The following LRMDA variants were observed in gnomAD, a reference collection of about 807,000 sequenced individuals.
LRMDA encodes leucine-rich melanocyte differentiation-associated protein.
A neutral mutation model predicts 29.8 loss-of-function variants in LRMDA; 18 were observed. The observed-to-expected ratio is 0.60, with a 90% CI of 0.42 to 0.90. The LOEUF (loss-of-function observed/expected upper bound fraction) is 0.90, where lower values mean the gene tolerates loss of function less well. Among genes scored for constraint, LRMDA ranks in the 40% least tolerant of loss-of-function variants. LRMDA has a pLI of 0.00. For missense variants in LRMDA, 273 were observed against 273.9 expected, an observed-to-expected ratio of 1.00 and a Z score of 0.02; for synonymous variants, 125 against 109.4, an observed-to-expected ratio of 1.14 and a Z score of -0.89.
At chr10:76,246,215 A>G (rs1249406701) in intron 5 of LRMDA, among the ~76,000 whole-genome samples, 3 of 152,150 alleles carry the variant, frequency 2.0e-5, no homozygotes, top group Non-Finnish European at 4.4e-5. Context: ...CCCAAGGCCC[A>G]CTGTAGGCTC....
At chr10:76,433,501 C>T (rs1842212881) in intron 6 of LRMDA, among the ~76,000 whole-genome samples, 1 of 152,182 alleles carries the variant, frequency 6.6e-6, no homozygotes, top group Admixed American at 6.5e-5. Flanking sequence ...TGGAGCACGG[C>T]CTGTCCTGGG....
intron 2 of LRMDA, among the ~76,000 whole-genome samples, chr10:75,719,096 C>T (rs1363966412): frequency 6.6e-6 from 1 of 152,190 alleles, no homozygotes; most frequent in Non-Finnish European, 1.5e-5. Context: ...TATAGTCCTA[C>T]AGCAAACATT....
In LRMDA at chr10:76,390,531, A is replaced by G. The variant is rs910323710; in HGVS notation, c.601+66046A>G. 1.6e-3 allele frequency among the ~76,000 whole-genome samples: 237 copies of G among 152,148 alleles called. 1 individual carries two copies. Among genetic ancestry groups the G allele is most frequent in the African/African-American group, 5.2e-3 (216 of 41,506 alleles). On this transcript the variant is annotated intron_variant, in intron 6 of 6. Transcript: ENST00000611255. ...AAAAAAAAAAAAACAAGAAAACTCA[A>G]TGTTAAGTGGATGATGGCACCATGA...
intron 5 of LRMDA, among the ~76,000 whole-genome samples, chr10:76,123,503 T>C (rs1849826432): frequency 6.6e-6 from 1 of 152,150 alleles, no homozygotes; most frequent in Admixed American, 6.6e-5. Context: ...AGTGAGACCG[T>C]GTCTCAGAAC....
Position 75,641,570 on chromosome 10 carries a change from T to A in LRMDA, c.131+203076T>A, listed in dbSNP as rs572524947. Among the ~76,000 whole-genome samples, 5 of 152,240 alleles carry A rather than the reference T, an allele frequency of 3.3e-5. No individual in the cohort carries two copies. The South Asian group carries it at 1.0e-3, about 32-fold the overall frequency. On this transcript the variant is annotated intron_variant, in intron 2 of 6. Transcript: ENST00000611255. ...TGGAGTGCAGTGGTGCAATCACAAC[T>A]CAATGCAGCCTCGACCTCCTGAGGC...
intron 2 of LRMDA, among the ~76,000 whole-genome samples, chr10:75,734,705 C>T (rs1589177426): frequency 6.6e-6 from 1 of 152,184 alleles, no homozygotes; most frequent in East Asian, 1.9e-4. Context: ...GTGGCACCTG[C>T]CATCCTGCAG....
intron 6 of LRMDA, among the ~76,000 whole-genome samples, chr10:76,462,072 A>C (rs1258421940): frequency 1.3e-5 from 1 of 75,828 alleles, no homozygotes; most frequent in East Asian, 2.6e-4. Flanking sequence ...AAAAAAAAAA[A>C]AAAACCACAC....
intron 2 of LRMDA, among the ~76,000 whole-genome samples, chr10:75,750,056 T>C (rs1188131408): frequency 1.3e-5 from 2 of 152,234 alleles, no homozygotes; most frequent in Non-Finnish European, 2.9e-5. Context: ...ACAATCTGAT[T>C]TCTCTTTCTT....
At chr10:75,664,969 C>T (rs1470918977) in intron 2 of LRMDA, among the ~76,000 whole-genome samples, 2 of 152,134 alleles carry the variant, frequency 1.3e-5, no homozygotes, top group African/African-American at 4.8e-5. Context: ...TTTTCAATCT[C>T]CAGATGTGGA....
intron 5 of LRMDA, among the ~76,000 whole-genome samples, chr10:76,136,445 T>C (rs1438273156): frequency 6.6e-6 from 1 of 152,192 alleles, no homozygotes; most frequent in Non-Finnish European, 1.5e-5. Context: ...TAAAACTGGC[T>C]CAATATTGTT....
intron 2 of LRMDA, among the ~76,000 whole-genome samples, chr10:75,916,308 G>A (rs1589252268): frequency 6.6e-6 from 1 of 152,132 alleles, no homozygotes; most frequent in Non-Finnish European, 1.5e-5. Context: ...GTGCAGGCAG[G>A]ACATGCAGTG....
intron 2 of LRMDA, among the ~76,000 whole-genome samples, chr10:75,817,332 A>G (rs1844078507): frequency 6.6e-6 from 1 of 152,192 alleles, no homozygotes; most frequent in Admixed American, 6.5e-5. Flanking sequence ...TGGTGAACTC[A>G]CCGATGCTGA....
intron 6 of LRMDA, among the ~76,000 whole-genome samples, chr10:76,369,441 C>A (rs952245332): frequency 4.6e-5 from 7 of 152,236 alleles, no homozygotes; most frequent in Admixed American, 2.6e-4. Flanking sequence ...GATAGGTCCC[C>A]AATCCCTTCT....
At chr10:76,520,634 C>T (rs888613117) in intron 6 of LRMDA, among the ~76,000 whole-genome samples, 1 of 152,164 alleles carries the variant, frequency 6.6e-6, no homozygotes, top group East Asian at 1.9e-4. Context: ...TACATTCTCA[C>T]GTAACCAAAG....
At chr10:75,779,783 C>A (rs1163666344) in intron 2 of LRMDA, among the ~76,000 whole-genome samples, 1 of 152,158 alleles carries the variant, frequency 6.6e-6, no homozygotes, top group Admixed American at 6.5e-5. Flanking sequence ...ATCATGAGAC[C>A]TCCAAGGTTG....
chr10:75,827,220 A>G lies in LRMDA; in HGVS notation c.132-208788A>G, dbSNP rs1302153886. Among the ~76,000 whole-genome samples, 5 of 152,302 alleles carry G rather than the reference A, an allele frequency of 3.3e-5. No individual in the cohort carries two copies. In the East Asian group the frequency reaches 9.7e-4, roughly 29 times the overall value. On this transcript the variant is annotated intron_variant, in intron 2 of 6. Coordinates refer to ENST00000611255, the MANE Select transcript of LRMDA (RefSeq NM_001305581.2). ...GAAAAGTCTTGATTGTGCAGCAGGT[A>G]GAATGGGGTGGCACGGCTGCTTCTG...
intron 2 of LRMDA, among the ~76,000 whole-genome samples, chr10:75,513,701 C>T (rs554402080): frequency 2.0e-5 from 3 of 152,204 alleles, no homozygotes; most frequent in East Asian, 3.9e-4. Context: ...GCTCTCGGCC[C>T]GGTGTCACTC....
chr10:76,445,903 A>G lies in LRMDA; in HGVS notation c.602-111306A>G, dbSNP rs1372629955. Among the ~76,000 whole-genome samples, 5 of 152,336 alleles carry G rather than the reference A, an allele frequency of 3.3e-5. No individual in the cohort carries two copies. The South Asian group carries it at 1.0e-3, about 32-fold the overall frequency. ...CAACTGAATATGAAAAAGTGCTAAC[A>G]TTTTGTCATATGGACTTCAGATCAT... On this transcript the variant is annotated intron_variant, in intron 6 of 6. Coordinates refer to ENST00000611255, the MANE Select transcript of LRMDA (RefSeq NM_001305581.2).
At chr10:75,734,273 T>G (rs1842733514) in intron 2 of LRMDA, among the ~76,000 whole-genome samples, 1 of 152,096 alleles carries the variant, frequency 6.6e-6, no homozygotes, top group Non-Finnish European at 1.5e-5. Flanking sequence ...CCAGTAGTTA[T>G]TGAGAGAGAG....
Sources: allele counts gnomAD v4.1 joint callset (sites outside exome capture counted in the v4.1 genomes callset), GRCh38; gene constraint gnomAD v4.1.1; transcripts MANE v1.5; gene names NCBI Gene and HGNC (gene_info 2026-07-23, HGNC 2026-07-21).